Variants in COLEC12 observed in about 807,000 individuals in gnomAD.
COLEC12 encodes the protein collectin-12.
In COLEC12, 33 loss-of-function variants were observed where a neutral mutation model predicts 71.1. That is an observed-to-expected ratio of 0.46 (90% CI 0.35 to 0.62). The LOEUF is 0.62. COLEC12 is among the 20% of genes least tolerant of loss of function. The pLI is 0.00. For synonymous variants in COLEC12, 350 were observed against 353.0 expected, an observed-to-expected ratio of 0.99 and a Z score of 0.10; for missense variants, 765 against 916.1, an observed-to-expected ratio of 0.84 and a Z score of 2.13.
chr18:351,917 T>A lies in COLEC12; in HGVS notation c.182-3754A>T, dbSNP rs140145227. Among the ~76,000 whole-genome samples the A allele has an allele frequency of 6.1e-3, 936 of 152,254 alleles. 1 individual carries two copies. The highest frequency in any genetic ancestry group is 8.7e-3 in the Non-Finnish European group (595 of 68,022). ...CTGGTCTCGAACTCCTGACCTCAGATGATCTGCCCACCTTGGCCTCCCAAA... is the reference window on the plus strand; with the variant it reads ...CTGGTCTCGAACTCCTGACCTCAGAAGATCTGCCCACCTTGGCCTCCCAAA... On this transcript the variant is annotated intron_variant, in intron 3 of 9. Transcript: ENST00000400256.
intron 2 of COLEC12, among the ~76,000 whole-genome samples, chr18:442,374 G>C (rs1916559631): frequency 6.6e-6 from 1 of 152,162 alleles, no homozygotes; most frequent in South Asian, 2.1e-4. Flanking sequence ...GCATGACCTT[G>C]GGTAAACAGC....
intron 2 of COLEC12, among the ~76,000 whole-genome samples, chr18:407,530 A>T (rs1915813974): frequency 6.6e-6 from 1 of 152,242 alleles, no homozygotes. Flanking sequence ...ATAATGTCCC[A>T]GCTTTGAAGG....
chr18:455,170 C>T (rs529065009), intron 2 of COLEC12, among the ~76,000 whole-genome samples: 46 of 152,036 alleles, frequency 3.0e-4, no homozygotes, highest in South Asian at 2.1e-3. Flanking sequence ...TGTGGCTAAG[C>T]GGAAAGTTAC....
chr18:477,925 G>T (rs1393994520), intron 2 of COLEC12, among the ~76,000 whole-genome samples: 1 of 152,154 alleles, frequency 6.6e-6, no homozygotes, highest in African/African-American at 2.4e-5. Context: ...AAGGGACTTG[G>T]TCTTCCTTCA....
At chr18:373,155 T>C (rs1289936964) in intron 2 of COLEC12, among the ~76,000 whole-genome samples, 2 of 152,256 alleles carry the variant, frequency 1.3e-5, no homozygotes, top group South Asian at 2.1e-4. Flanking sequence ...GAAATTTGTA[T>C]GCAATTGAGG....
chr18:383,739 T>A (rs1304787988), intron 2 of COLEC12, among the ~76,000 whole-genome samples: 1 of 152,116 alleles, frequency 6.6e-6, no homozygotes, highest in African/African-American at 2.4e-5. Context: ...AGAACAGTGG[T>A]TGTATTAGTC....
intron 3 of COLEC12, among the ~76,000 whole-genome samples, chr18:355,320 T>G (rs2143496785): frequency 6.6e-6 from 1 of 152,080 alleles, no homozygotes. Context: ...AATTCAGCTT[T>G]CGGGAGCTGC....
chr18:326,748 G>A (rs1913853805), intron 8 of COLEC12, among the ~76,000 whole-genome samples: 1 of 152,186 alleles, frequency 6.6e-6, no homozygotes, highest in Admixed American at 6.5e-5. Flanking sequence ...AAAAGAATAT[G>A]TATTTGCAGA....
Position 321,483 on chromosome 18 carries a change from G to A in COLEC12, c.2209+179C>T, listed in dbSNP as rs572011675. On this transcript the variant is annotated intron_variant, in intron 9 of 9. Coordinates refer to ENST00000400256, the MANE Select transcript of COLEC12 (RefSeq NM_130386.3). Reference sequence around the variant, plus strand: ...AACTTATTTAAATCTTCACAACCTCGTGAAGAAGATGCTATTACTATTTCC... The same window carrying A: ...AACTTATTTAAATCTTCACAACCTCATGAAGAAGATGCTATTACTATTTCC... 4.6e-5 allele frequency among the ~76,000 whole-genome samples: 7 copies of A among 152,320 alleles called. No individual in the cohort carries two copies. The South Asian group carries it at 6.2e-4, about 14-fold the overall frequency.
intron 2 of COLEC12, among the ~76,000 whole-genome samples, chr18:415,353 A>G (rs1915966712): frequency 1.3e-5 from 2 of 152,122 alleles, no homozygotes; most frequent in Non-Finnish European, 2.9e-5. Flanking sequence ...TCCTTGTATC[A>G]TTGTGATATC....
chr18:390,504 G>A (rs1046471372), intron 2 of COLEC12, among the ~76,000 whole-genome samples: 2 of 152,218 alleles, frequency 1.3e-5, no homozygotes, highest in African/African-American at 2.4e-5. Flanking sequence ...GTTCATGCCT[G>A]TAATCCCAGC....
At chr18:426,063 T>TC (rs1916193163) in intron 2 of COLEC12, among the ~76,000 whole-genome samples, 1 of 152,194 alleles carries the variant, frequency 6.6e-6, no homozygotes, top group Non-Finnish European at 1.5e-5. Context: ...AAGTGACTTG[T>TC]CCAAGATCAC....
Position 331,714 on chromosome 18 carries a change from G to A in COLEC12, c.2017C>T (p.Arg673Cys), listed in dbSNP as rs766506216. Residue 673 changes from arginine (R) to cysteine (C), a missense_variant, in exon 8 of 10, where the codon CGT becomes TGT. Coordinates refer to ENST00000400256, the MANE Select transcript of COLEC12 (RefSeq NM_130386.3). ...TCCAGCCACTTCCATTCATTTTCAC[G>A]CTCTGAGTCTGTGAGGCCGATCCAG... ...SHWIGLTDSE[R>C]ENEWKWLDGT... 28 of 1,613,748 alleles carry A rather than the reference G, an allele frequency of 1.7e-5. No individual in the cohort carries two copies. The highest frequency in any genetic ancestry group is 2.2e-5 in the South Asian group (2 of 91,074).
chr18:451,652 C>T (rs1916763239), intron 2 of COLEC12, among the ~76,000 whole-genome samples: 1 of 151,784 alleles, frequency 6.6e-6, no homozygotes. Context: ...GAGGTTGAGG[C>T]AGGAGAATTG....
At chr18:364,682 T>C (rs1914818262) in intron 2 of COLEC12, among the ~76,000 whole-genome samples, 2 of 152,218 alleles carry the variant, frequency 1.3e-5, no homozygotes. Context: ...ACACTGACTC[T>C]GACAGGTAAT....
chr18:389,908 G>A (rs1030610702), intron 2 of COLEC12, among the ~76,000 whole-genome samples: 5 of 152,126 alleles, frequency 3.3e-5, no homozygotes, highest in Non-Finnish European at 7.4e-5. Flanking sequence ...CACAGATCTG[G>A]CCACAAAGGC....
intron 2 of COLEC12, among the ~76,000 whole-genome samples, chr18:436,427 T>C (rs1388240514): frequency 6.9e-6 from 1 of 145,896 alleles, no homozygotes; most frequent in Non-Finnish European, 1.5e-5. Flanking sequence ...AGGCAGGAGA[T>C]TTCCTGGAAT....
At chr18:417,757 GT>G (rs1415782072) in intron 2 of COLEC12, among the ~76,000 whole-genome samples, 1 of 150,336 alleles carries the variant, frequency 6.7e-6, no homozygotes, top group Admixed American at 6.6e-5. Flanking sequence ...GGTCATTGCT[GT>G]AGCAACTGAT....
intron 2 of COLEC12, among the ~76,000 whole-genome samples, chr18:461,411 G>A (rs118145272): frequency 0.018 from 2,669 of 152,212 alleles, 38 homozygotes; most frequent in Non-Finnish European, 0.029. Flanking sequence ...TTTAGAGACT[G>A]GGTCTTGCTC....
Sources: allele counts gnomAD v4.1 joint callset (sites outside exome capture counted in the v4.1 genomes callset), GRCh38; gene constraint gnomAD v4.1.1; transcripts MANE v1.5; gene names NCBI Gene and HGNC (gene_info 2026-07-23, HGNC 2026-07-21).